TSHZ2: variants seen among roughly 807,000 people sequenced by gnomAD.
TSHZ2 encodes the protein teashirt zinc finger homeobox 2, also known as teashirt homolog 2.
Under a neutral mutation model 74.4 loss-of-function variants are expected in TSHZ2, and 21 were observed. The ratio of observed to expected loss-of-function variants is 0.28; its 90% confidence interval spans 0.20 to 0.41. The LOEUF is 0.41. Ranked by LOEUF, TSHZ2 falls within the 10% of genes least tolerant of loss-of-function variation. The pLI is 1.00. For missense variants in TSHZ2, 1,244 were observed against 1,293.5 expected (o/e 0.96, Z 0.59); for synonymous variants, 540 against 515.3 (o/e 1.05, Z -0.65).
At chr20:53,154,749 A>G (rs765827000) in intron 1 of TSHZ2, among the ~76,000 whole-genome samples, 5 of 152,180 alleles carry the variant, frequency 3.3e-5, no homozygotes, top group Non-Finnish European at 7.3e-5. Flanking sequence ...GTTCTTATCT[A>G]TAAAGTGAGT....
intron 1 of TSHZ2, among the ~76,000 whole-genome samples, chr20:53,174,634 C>G (rs1301928595): frequency 1.3e-5 from 2 of 152,166 alleles, no homozygotes; most frequent in South Asian, 2.1e-4. Context: ...GCCTGGCACT[C>G]AAGGCTTAGC....
Position 53,094,816 on chromosome 20 carries a change from G to T in TSHZ2, c.40+121483G>T, listed in dbSNP as rs185533806. Among the ~76,000 whole-genome samples, 3 of 152,266 alleles carry T rather than the reference G, an allele frequency of 2.0e-5. No individual in the cohort carries two copies. The East Asian group carries it at 5.8e-4, about 29-fold the overall frequency. ...GACTGATGGATTTTTCTCATATTAT[G>T]AATAGCCAGTGGCTGTTCTGTTAGA... On this transcript the variant is annotated intron_variant, in intron 1 of 2. Transcript: ENST00000371497.
At chr20:53,123,995 G>A (rs1358981112) in intron 1 of TSHZ2, among the ~76,000 whole-genome samples, 1 of 152,158 alleles carries the variant, frequency 6.6e-6, no homozygotes, top group Admixed American at 6.5e-5. Flanking sequence ...GATAGAGAAA[G>A]CAAACTTCAA....
At chr20:53,006,859 T>C (rs1472614696) in intron 1 of TSHZ2, among the ~76,000 whole-genome samples, 1 of 151,858 alleles carries the variant, frequency 6.6e-6, no homozygotes, top group Non-Finnish European at 1.5e-5. Context: ...TTGTTTGGGG[T>C]CAAACATGAA....
intron 1 of TSHZ2, among the ~76,000 whole-genome samples, chr20:52,997,487 A>G (rs1290007888): frequency 6.6e-6 from 1 of 152,086 alleles, no homozygotes; most frequent in Non-Finnish European, 1.5e-5. Flanking sequence ...TTTCATTTCA[A>G]TCCCATGGGT....
intron 2 of TSHZ2, among the ~76,000 whole-genome samples, chr20:53,426,331 T>C (rs1983654326): frequency 6.6e-6 from 1 of 152,130 alleles, no homozygotes; most frequent in South Asian, 2.1e-4. Context: ...TTCTGTCCTC[T>C]CTCCCTAAGC....
At chr20:53,067,015 C>T (rs2123184713) in intron 1 of TSHZ2, among the ~76,000 whole-genome samples, 1 of 152,284 alleles carries the variant, frequency 6.6e-6, no homozygotes, top group South Asian at 2.1e-4. Context: ...ATGTTTAGAA[C>T]ATTACCCAGA....
At chr20:53,479,293 A>C (rs1600671623) in intron 2 of TSHZ2, among the ~76,000 whole-genome samples, 1 of 152,184 alleles carries the variant, frequency 6.6e-6, no homozygotes, top group East Asian at 1.9e-4. Flanking sequence ...CCAAATCAGC[A>C]GCTTGGGGTG....
intron 1 of TSHZ2, among the ~76,000 whole-genome samples, chr20:52,989,103 G>A (rs1981878984): frequency 6.6e-6 from 1 of 150,472 alleles, no homozygotes; most frequent in South Asian, 2.1e-4. Flanking sequence ...TGAAACTCAA[G>A]GGATCCTATC....
At chr20:53,464,425 G>C (rs1985493794) in intron 2 of TSHZ2, among the ~76,000 whole-genome samples, 1 of 152,120 alleles carries the variant, frequency 6.6e-6, no homozygotes, top group Non-Finnish European at 1.5e-5. Context: ...TTCAGGCAGG[G>C]GTAGAACAGG....
At chr20:53,415,447 C>T (rs1983203655) in intron 2 of TSHZ2, among the ~76,000 whole-genome samples, 1 of 152,238 alleles carries the variant, frequency 6.6e-6, no homozygotes, top group Non-Finnish European at 1.5e-5. Flanking sequence ...GCTCCTTCCT[C>T]TGCTCCCCAC....
At chr20:52,980,612 G>A (rs183548330) in intron 1 of TSHZ2, among the ~76,000 whole-genome samples, 28 of 152,160 alleles carry the variant, frequency 1.8e-4, no homozygotes, top group Non-Finnish European at 4.0e-4. Flanking sequence ...AAGGTGGGTA[G>A]AATACAGTTA....
At chr20:53,295,094 C>G (rs538160442) in intron 2 of TSHZ2, among the ~76,000 whole-genome samples, 3 of 152,294 alleles carry the variant, frequency 2.0e-5, no homozygotes, top group African/African-American at 7.2e-5. Context: ...ATTTTGTCCT[C>G]GTACCCTCCA....
chr20:53,264,012 C>T (rs1474091062), intron 2 of TSHZ2, among the ~76,000 whole-genome samples: 2 of 152,144 alleles, frequency 1.3e-5, no homozygotes, highest in South Asian at 2.1e-4. Flanking sequence ...AGTTGGTCAC[C>T]CTGCTCTCCT....
chr20:53,013,854 C>T (rs1982939083), intron 1 of TSHZ2, among the ~76,000 whole-genome samples: 1 of 152,170 alleles, frequency 6.6e-6, no homozygotes, highest in Admixed American at 6.5e-5. Context: ...TTTATTCTTT[C>T]AAATGATATT....
intron 1 of TSHZ2, among the ~76,000 whole-genome samples, chr20:53,014,759 T>A (rs1045862408): frequency 6.6e-6 from 1 of 152,168 alleles, no homozygotes; most frequent in African/African-American, 2.4e-5. Flanking sequence ...TCTGGGAACC[T>A]CTCAAGGTCA....
intron 1 of TSHZ2, among the ~76,000 whole-genome samples, chr20:53,001,951 G>A (rs897491066): frequency 6.6e-6 from 1 of 152,090 alleles, no homozygotes; most frequent in African/African-American, 2.4e-5. Context: ...TTTTATCAAG[G>A]CTTAAAGGAA....
intron 2 of TSHZ2, among the ~76,000 whole-genome samples, chr20:53,464,142 A>C (rs1247401644): frequency 2.0e-5 from 3 of 152,220 alleles, no homozygotes; most frequent in Non-Finnish European, 4.4e-5. Flanking sequence ...AGTGACAGCC[A>C]TGGACCAGGA....
At chr20:52,980,536 C>T (rs929994902) in intron 1 of TSHZ2, among the ~76,000 whole-genome samples, 1 of 152,056 alleles carries the variant, frequency 6.6e-6, no homozygotes, top group Non-Finnish European at 1.5e-5. Flanking sequence ...TCTAAAATCA[C>T]CCCTGAGCTT....
Sources: allele counts gnomAD v4.1 joint callset (sites outside exome capture counted in the v4.1 genomes callset), GRCh38; gene constraint gnomAD v4.1.1; transcripts MANE v1.5; gene names NCBI Gene and HGNC (gene_info 2026-07-23, HGNC 2026-07-21).